The following ESRRG variants were observed in gnomAD, a reference collection of about 807,000 sequenced individuals.
ESRRG encodes estrogen related receptor gamma, also known as estrogen-related receptor gamma.
In ESRRG, 13 loss-of-function variants were observed where a neutral mutation model predicts 44.0. The observed-to-expected ratio is 0.30, with a 90% CI of 0.19 to 0.47. The LOEUF is 0.47. ESRRG is among the 20% of genes least tolerant of loss of function. ESRRG has a pLI of 1.00. For synonymous variants in ESRRG, 215 were observed against 214.6 expected (o/e 1.00, Z -0.02); for missense variants, 395 against 580.6 (o/e 0.68, Z 3.29).
intron 1 of ESRRG, among the ~76,000 whole-genome samples, chr1:217,127,723 T>C (rs1436334003): frequency 6.6e-6 from 1 of 152,206 alleles, no homozygotes; most frequent in African/African-American, 2.4e-5. Flanking sequence ...TTTTCTAACT[T>C]GTAAAATGGG....
At chr1:216,926,503 G>A (rs2062604230) in intron 2 of ESRRG, among the ~76,000 whole-genome samples, 1 of 151,954 alleles carries the variant, frequency 6.6e-6, no homozygotes, top group South Asian at 2.1e-4. Context: ...CAAATGGTTT[G>A]GCAATATTTA....
At chr1:216,635,952 A>G (rs1030975158) in intron 3 of ESRRG, among the ~76,000 whole-genome samples, 1 of 152,240 alleles carries the variant, frequency 6.6e-6, no homozygotes, top group African/African-American at 2.4e-5. Context: ...ACTAATAGTG[A>G]TGACAATAAT....
At chr1:216,838,305 A>G (rs2095599660) in intron 2 of ESRRG, among the ~76,000 whole-genome samples, 1 of 152,184 alleles carries the variant, frequency 6.6e-6, no homozygotes, top group African/African-American at 2.4e-5. Flanking sequence ...GGCAACAGAA[A>G]CTGGGTTTAG....
chr1:217,093,553 C>T (rs545230571), upstream of ESRRG, among the ~76,000 whole-genome samples: 39 of 152,098 alleles, frequency 2.6e-4, no homozygotes, highest in East Asian at 7.0e-3. Flanking sequence ...GAGGCCAAGG[C>T]GGGAGGATCG....
chr1:216,784,101 G>A (rs2094034551), intron 2 of ESRRG, among the ~76,000 whole-genome samples: 1 of 151,848 alleles, frequency 6.6e-6, no homozygotes, highest in East Asian at 1.9e-4. Context: ...AACAGTGTTT[G>A]GCCATTCATT....
intron 2 of ESRRG, among the ~76,000 whole-genome samples, chr1:216,873,742 C>T (rs1318611846): frequency 6.6e-6 from 1 of 151,196 alleles, no homozygotes; most frequent in Non-Finnish European, 1.5e-5. Flanking sequence ...CTTGGGACCA[C>T]AGCTCCACTG....
At chr1:216,718,888 AT>A (rs1398436275) in intron 1 of ESRRG, among the ~76,000 whole-genome samples, 1 of 152,008 alleles carries the variant, frequency 6.6e-6, no homozygotes, top group Non-Finnish European at 1.5e-5. Context: ...CTCTCCTCTT[AT>A]TTCTAAAAGC....
chr1:216,757,606 T>C (rs1443217907), intron 2 of ESRRG, among the ~76,000 whole-genome samples: 1 of 152,008 alleles, frequency 6.6e-6, no homozygotes, highest in Admixed American at 6.6e-5. Context: ...AACTGTGTTG[T>C]TTTCAACCAA....
intron 2 of ESRRG, among the ~76,000 whole-genome samples, chr1:216,814,317 T>C (rs1217360624): frequency 6.6e-6 from 1 of 152,176 alleles, no homozygotes; most frequent in Non-Finnish European, 1.5e-5. Context: ...TAGAATGAAA[T>C]TCACAACCTA....
At chr1:216,765,941 A>G (rs781782009) in intron 2 of ESRRG, among the ~76,000 whole-genome samples, 58 of 152,236 alleles carry the variant, frequency 3.8e-4, no homozygotes, top group Middle Eastern at 6.8e-3. Context: ...TTCACCTTTC[A>G]TTTCTTGCGA....
At chr1:216,975,852 A>G (rs930682987) in intron 1 of ESRRG, among the ~76,000 whole-genome samples, 1 of 152,188 alleles carries the variant, frequency 6.6e-6, no homozygotes, top group Non-Finnish European at 1.5e-5. Flanking sequence ...TCCCTGTGGG[A>G]TTCTTCACAT....
chr1:216,995,066 C>G (rs1370683083), intron 1 of ESRRG, among the ~76,000 whole-genome samples: 1 of 152,164 alleles, frequency 6.6e-6, no homozygotes, highest in Admixed American at 6.5e-5. Flanking sequence ...CTAGCCTGCA[C>G]TTAAAGATCA....
chr1:216,868,638 G>T (rs1314013309), intron 2 of ESRRG, among the ~76,000 whole-genome samples: 1 of 151,978 alleles, frequency 6.6e-6, no homozygotes, highest in Non-Finnish European at 1.5e-5. Context: ...ATTTAAAAAG[G>T]GCTGAATTCT....
At position 216,590,203 on chromosome 1, in the gene ESRRG, A is replaced by G. The variant is rs186342063; in HGVS notation, c.590-22105T>C. On this transcript the variant is annotated intron_variant, in intron 3 of 6. Coordinates refer to ENST00000408911, the MANE Select transcript of ESRRG (RefSeq NM_001438.4). ...ATTAATAATATGACTAATATATAAT[A>G]ATGCATCATATTATAATTAAACTAG... Among the ~76,000 whole-genome samples the G allele has an allele frequency of 2.8e-4, 42 of 152,190 alleles. 1 individual carries two copies. In the East Asian group the frequency reaches 6.2e-3, roughly 22 times the overall value.
chr1:216,738,970 C>T (rs1369261143), intron 2 of ESRRG, among the ~76,000 whole-genome samples: 1 of 152,124 alleles, frequency 6.6e-6, no homozygotes, highest in African/African-American at 2.4e-5. Flanking sequence ...ACCACCTTAG[C>T]CTCTCAAAGC....
At chr1:216,510,432 A>T (rs1239664166) in intron 6 of ESRRG, among the ~76,000 whole-genome samples, 3 of 152,200 alleles carry the variant, frequency 2.0e-5, no homozygotes, top group Non-Finnish European at 4.4e-5. Flanking sequence ...AAGAGATCCT[A>T]AAAAAATGTG....
chr1:217,046,359 C>G (rs1580030116), intron 1 of ESRRG, among the ~76,000 whole-genome samples: 1 of 152,110 alleles, frequency 6.6e-6, no homozygotes, highest in East Asian at 1.9e-4. Context: ...AGCACTGCAT[C>G]AAGAAAGACA....
At chr1:217,074,643 A>T (rs946919303) in intron 1 of ESRRG, among the ~76,000 whole-genome samples, 9 of 152,080 alleles carry the variant, frequency 5.9e-5, no homozygotes, top group African/African-American at 2.2e-4. Context: ...CTCGAGAACA[A>T]CCTGGGCAAC....
In ESRRG at chr1:217,010,892, A is replaced by G. The variant is rs146082234; in HGVS notation, c.-105-71219T>C. Among the ~76,000 whole-genome samples, 767 of 152,286 alleles carry G rather than the reference A, an allele frequency of 5.0e-3. 7 individuals carry two copies. The highest frequency in any genetic ancestry group is 0.017 in the African/African-American group (721 of 41,564). On this transcript the variant is annotated intron_variant, in intron 1 of 7. Transcript: ENST00000359162. ...GGGAAGTTTAATTCTCTTCTATAGA[A>G]TATTAGCCCCTTACCTCCTTACCCA...
Sources: allele counts gnomAD v4.1 joint callset (sites outside exome capture counted in the v4.1 genomes callset), GRCh38; gene constraint gnomAD v4.1.1; transcripts MANE v1.5; gene names NCBI Gene and HGNC (gene_info 2026-07-23, HGNC 2026-07-21).